The following KCTD3 variants were observed in gnomAD, a reference collection of about 807,000 sequenced individuals.
The protein encoded by KCTD3 is BTB/POZ domain-containing protein KCTD3.
A neutral mutation model predicts 85.8 loss-of-function variants in KCTD3; 41 were observed. The ratio of observed to expected loss-of-function variants is 0.48; its 90% CI spans 0.37 to 0.62. The LOEUF is 0.62. Ranked by LOEUF, KCTD3 falls within the 20% of genes least tolerant of loss-of-function variation. The pLI is 0.00. For synonymous variants in KCTD3, 338 were observed against 345.4 expected, an observed-to-expected ratio of 0.98 and a Z score of 0.24; for missense variants, 724 against 989.9, an observed-to-expected ratio of 0.73 and a Z score of 3.60.
At position 215,579,940 on chromosome 1, in the gene KCTD3, A is replaced by G. The variant is rs1216410607; in HGVS notation, c.567A>G (p.Ile189Met). The G allele has an allele frequency of 3.1e-6, 5 of 1,613,554 alleles. No individual in the cohort carries two copies. The African/African-American group carries it at 4.0e-5, about 13-fold the overall frequency. Residue 189 changes from isoleucine to methionine, a missense_variant, in exon 8 of 18, where the codon ATA becomes ATG. By Grantham distance (10) the Ile-to-Met change is conservative. Transcript: ENST00000259154. ...GFPVDPRKVL[I>M]VAGHHNWIVA... Reference sequence around the variant, plus strand: ...CTGTGGATCCACGAAAGGTGCTAATAGTAGCTGGCCATCACAACTGGATTG... The same window carrying G: ...CTGTGGATCCACGAAAGGTGCTAATGGTAGCTGGCCATCACAACTGGATTG...
intron 10 of KCTD3, among the ~76,000 whole-genome samples, chr1:215,595,868 A>T (rs957392472): frequency 2.0e-5 from 3 of 152,206 alleles, no homozygotes; most frequent in African/African-American, 7.2e-5. Flanking sequence ...ATAAGACTTT[A>T]AAAAGGTTAA....
intron 15 of KCTD3, among the ~76,000 whole-genome samples, chr1:215,612,456 T>C (rs574769647): frequency 2.6e-5 from 4 of 152,292 alleles, no homozygotes; most frequent in Non-Finnish European, 4.4e-5. Context: ...TGGAGAGAAA[T>C]TGTCTGTCTC....
intron 9 of KCTD3, among the ~76,000 whole-genome samples, chr1:215,588,616 A>T (rs149195733): frequency 2.6e-4 from 40 of 152,158 alleles, no homozygotes; most frequent in African/African-American, 8.9e-4. Flanking sequence ...TAAGCCATGA[A>T]ATTCATATAA....
chr1:215,585,531 G>A (rs537267006), intron 8 of KCTD3, among the ~76,000 whole-genome samples: 1 of 152,188 alleles, frequency 6.6e-6, no homozygotes, highest in Non-Finnish European at 1.5e-5. Context: ...GTGTGCAAAA[G>A]AACGCTTCTT....
chr1:215,580,925 A>G, intron 8 of KCTD3: 1 of 464,232 alleles, frequency 2.2e-6, no homozygotes, highest in Non-Finnish European at 4.5e-6. Context: ...TCTCAGGTTT[A>G]TATTTTCCTT....
chr1:215,586,602 A>G lies in KCTD3; in HGVS notation c.734A>G (p.Asp245Gly), dbSNP rs769618795. Reference protein sequence around the residue: ...NAKVVGGPHGDKDKMVAVASE... With the variant: ...NAKVVGGPHGGKDKMVAVASE... ...AAGGTGGTTGGAGGGCCACATGGAG[A>G]CAAAGACAAAATGGTTGCTGTTGCC... is the stretch of plus-strand genomic sequence containing the variant. The change falls in exon 9 of 18, where the codon GAC becomes GGC. Residue 245 changes from aspartate to glycine, a missense_variant. By Grantham distance (94) the Asp-to-Gly change is moderately conservative (BLOSUM62 -1). This residue lies in a region of KCTD3 where 146 missense variants were observed against 320.3 expected (regional missense o/e 0.46). Coordinates refer to ENST00000259154, the MANE Select transcript of KCTD3 (RefSeq NM_016121.5). 5.6e-6 allele frequency: 9 copies of G among 1,614,108 alleles called. No individual in the cohort carries two copies. The highest frequency in any genetic ancestry group is 7.6e-6 in the Non-Finnish European group (9 of 1,180,018).
intron 15 of KCTD3, 117 bp from the exon 16 acceptor site, chr1:215,618,769 A>T (rs1277114249): frequency 1.3e-6 from 1 of 750,380 alleles, no homozygotes; most frequent in Middle Eastern, 3.5e-4. Context: ...ATGATTTTTT[A>T]AAAGTCTTTT....
intron 8 of KCTD3, among the ~76,000 whole-genome samples, chr1:215,585,906 C>T (rs1463626195): frequency 6.6e-6 from 1 of 152,118 alleles, no homozygotes; most frequent in Admixed American, 6.5e-5. Context: ...GGATATCCTG[C>T]ACCCTATCCT....
chr1:215,582,305 A>G (rs1056239778), intron 8 of KCTD3, among the ~76,000 whole-genome samples: 2 of 152,174 alleles, frequency 1.3e-5, no homozygotes, highest in East Asian at 3.9e-4. Context: ...TCCTTAAGAC[A>G]TATGTCTATT....
chr1:215,607,851 A>G (rs1655092626), intron 13 of KCTD3, among the ~76,000 whole-genome samples, 166 bp from the exon 14 acceptor site: 1 of 151,982 alleles, frequency 6.6e-6, no homozygotes, highest in African/African-American at 2.4e-5. Flanking sequence ...TAAAACATCC[A>G]GTTTTCTCAC....
intron 12 of KCTD3, 130 bp from the exon 13 acceptor site, chr1:215,604,002 G>T: frequency 6.9e-6 from 4 of 583,856 alleles, no homozygotes; most frequent in Admixed American, 3.5e-5. Flanking sequence ...TTTTTTTACT[G>T]AACTGGATTT....
At position 215,586,697 on chromosome 1, in the gene KCTD3, CTTGT is replaced by C; in HGVS notation, c.817+15_817+18del. ...TGGAAGTGAAATTGGTAGGAAGAAT[CTTGT>C]TTATGTTGCAATTTGATGATATTAA... is the stretch of plus-strand genomic sequence containing the variant. On this transcript the variant is annotated intron_variant, in intron 9 of 17. Coordinates refer to ENST00000259154, the MANE Select transcript of KCTD3 (RefSeq NM_016121.5). 1 of 1,594,026 alleles carries C rather than the reference CTTGT, an allele frequency of 6.3e-7. No individual in the cohort carries two copies. The highest frequency in any genetic ancestry group is 1.1e-5 in the South Asian group (1 of 88,812).
rs745324096 is a variant in KCTD3 at position 215,620,602 on chromosome 1, A to G, written c.2432A>G (p.Gln811Arg). ...PRHKKSDSSG[Q>R]EYSL ...CATAAAAAAAGTGATTCTTCAGGTC[A>G]GGAGTACAGCTTGTGAAAACTCACC... is the stretch of plus-strand genomic sequence containing the variant. Residue 811 changes from glutamine (Q) to arginine (R), a missense_variant, in exon 18 of 18, where the codon CAG (glutamine) becomes CGG (arginine). Transcript: ENST00000259154. 2 of 1,589,568 alleles carry G rather than the reference A, an allele frequency of 1.3e-6. No individual in the cohort carries two copies. Among genetic ancestry groups the G allele is most frequent in the Admixed American group, 1.8e-5 (1 of 54,384 alleles).
At chr1:215,583,086 A>G (rs2102565525) in intron 8 of KCTD3, among the ~76,000 whole-genome samples, 1 of 152,202 alleles carries the variant, frequency 6.6e-6, no homozygotes, top group Non-Finnish European at 1.5e-5. Context: ...AACAACTTAG[A>G]AGTAATATGT....
At position 215,579,066 on chromosome 1, in the gene KCTD3, C is replaced by T. The variant is rs771720213; in HGVS notation, c.464C>T (p.Thr155Ile). 8.8e-6 allele frequency: 14 copies of T among 1,594,790 alleles called. No individual in the cohort carries two copies. Among genetic ancestry groups the T allele is most frequent in the Admixed American group, 3.6e-5 (2 of 54,850 alleles). ...GATTCTAGGAATGGTCTAAATTCTA[C>T]AGAAGGTGAAGCCCGGGGAAATGGT... ...SADSRNGLNS[T>I]EGEARGNGTQ... Residue 155 changes from threonine (T) to isoleucine (I), a missense_variant, in exon 7 of 18, where the codon ACA becomes ATA. Transcript: ENST00000259154.
chr1:215,591,310 CCT>C (rs1660202040), intron 9 of KCTD3, among the ~76,000 whole-genome samples: 1 of 146,528 alleles, frequency 6.8e-6, no homozygotes, highest in Non-Finnish European at 1.5e-5. Flanking sequence ...TTCCTTCCTT[CCT>C]TCCTTCCTTC....
At chr1:215,585,712 G>A (rs536644027) in intron 8 of KCTD3, among the ~76,000 whole-genome samples, 68 of 152,048 alleles carry the variant, frequency 4.5e-4, no homozygotes, top group Non-Finnish European at 6.5e-4. Flanking sequence ...ACATATAATC[G>A]CATAGAAAAC....
rs747035565 is a variant in KCTD3, at chr1:215,620,082, A to G, written c.1912A>G (p.Thr638Ala). ...CCTTCAGCTTCAGCACCATGATACCACCCATGAAGCAGCTACTTACGGTTC... is the reference window on the plus strand; with the variant it reads ...CCTTCAGCTTCAGCACCATGATACCGCCCATGAAGCAGCTACTTACGGTTC... The part of the protein sequence containing the change: ...SSLQLQHHDT[T>A]HEAATYGSMR... Residue 638 changes from threonine to alanine, a missense_variant, in exon 18 of 18, where the codon ACC becomes GCC. Transcript: ENST00000259154. 44 of 1,598,868 alleles carry G rather than the reference A, an allele frequency of 2.8e-5. No individual in the cohort carries two copies. In the South Asian group the frequency reaches 3.5e-4, roughly 13 times the overall value.
At chr1:215,607,625 AATAGTTGAGTAGC>A (rs777160897) in intron 13 of KCTD3, among the ~76,000 whole-genome samples, 103 of 152,162 alleles carry the variant, frequency 6.8e-4, no homozygotes, top group Admixed American at 1.6e-3. Context: ...GATCTAGGTT[AATAGTTGAGTAGC>A]ATAAGCAGAA....
Sources: gnomAD v4.1 joint callset for allele counts (sites outside exome capture counted in the v4.1 genomes callset) on GRCh38, gnomAD v4.1.1 for gene constraint, gnomAD v4.1.1 regional missense constraint, MANE v1.5 for transcripts, NCBI Gene and HGNC (gene_info 2026-07-23, HGNC 2026-07-21) for gene names.